The following ACER1 variants were observed in gnomAD, a reference collection of about 807,000 sequenced individuals.
The protein encoded by ACER1 is alkaline ceramidase 1, also known as CTB-180A7.3.
ACER1 carries 28 observed loss-of-function variants against 24.9 expected under a neutral mutation model. That is an observed-to-expected ratio of 1.13 (90% confidence interval 0.83 to 1.54). ACER1 has a LOEUF of 1.54. Among genes scored for constraint, ACER1 ranks in the 40% most tolerant of loss-of-function variants. ACER1 has a pLI of 0.00. For missense variants in ACER1, 352 were observed against 349.3 expected (o/e 1.01, Z -0.06); for synonymous variants, 132 against 131.4 (o/e 1.00, Z -0.03).
At chr19:6,333,709 G>A, upstream of ACER1, 2 of 588,240 alleles carry the variant, frequency 3.4e-6, no homozygotes, top group East Asian at 3.0e-5. Flanking sequence ...GTTGCACCAG[G>A]GCAGCCTGGC....
chr19:6,308,165 C>T (rs986014465), intron 4 of ACER1, among the ~76,000 whole-genome samples: 2 of 151,614 alleles, frequency 1.3e-5, no homozygotes, highest in African/African-American at 2.4e-5. Flanking sequence ...CTGGGCGCGG[C>T]GGCTCAAGCC....
intron 1 of ACER1, among the ~76,000 whole-genome samples, chr19:6,331,954 T>C (rs1025634381): frequency 4.7e-5 from 7 of 150,500 alleles, no homozygotes; most frequent in Non-Finnish European, 1.0e-4. Context: ...CCGTGATCAT[T>C]TGTGCATTCC....
At chr19:6,307,418 G>A (rs905285931) in intron 4 of ACER1, 128 bp from the exon 5 acceptor site, 4 of 1,103,982 alleles carry the variant, frequency 3.6e-6, no homozygotes, top group Admixed American at 2.7e-5. Context: ...GGAATTGAGG[G>A]TGCAAGCAGA....
chr19:6,312,335 A>G, intron 2 of ACER1, 45 bp from the exon 3 acceptor site: 1 of 1,613,654 alleles, frequency 6.2e-7, no homozygotes, highest in Non-Finnish European at 8.5e-7. Context: ...GCCACCTCCT[A>G]AACCCCCACT....
the ACER1 span, among the ~76,000 whole-genome samples, chr19:6,349,840 G>A: frequency 6.6e-6 from 1 of 152,014 alleles, no homozygotes; most frequent in Non-Finnish European, 1.5e-5. Flanking sequence ...TCTTAAAAGG[G>A]GATCTGGGGG....
At chr19:6,312,706 T>C (rs965943404) in intron 1 of ACER1, among the ~76,000 whole-genome samples, 48 of 150,380 alleles carry the variant, frequency 3.2e-4, no homozygotes, top group Admixed American at 1.6e-3. Flanking sequence ...CTTGGAGTCT[T>C]GCTCTGTCAC....
At chr19:6,307,964 C>T (rs1296782462) in intron 4 of ACER1, among the ~76,000 whole-genome samples, 1 of 148,654 alleles carries the variant, frequency 6.7e-6, no homozygotes, top group Non-Finnish European at 1.5e-5. Context: ...TGGTGGTGGC[C>T]GCCTGTAATC....
At position 6,321,156 on chromosome 19, in the gene ACER1, G is replaced by A. The variant is rs1445009234; in HGVS notation, c.94-8657C>T. On this transcript the variant is annotated intron_variant, in intron 1 of 5. Transcript: ENST00000301452. ...ATTTTCTTTCTTTTTTTTTTTTTGA[G>A]ACCAAGTCTCACTCTGTCGCCCAGG... is the stretch of plus-strand genomic sequence containing the variant. Among the ~76,000 whole-genome samples the A allele has an allele frequency of 8.1e-5, 12 of 147,936 alleles. No individual in the cohort carries two copies. In the South Asian group the frequency reaches 2.3e-3, roughly 29 times the overall value.
At chr19:6,346,902 G>A in the ACER1 span, among the ~76,000 whole-genome samples, 12 of 151,400 alleles carry the variant, frequency 7.9e-5, no homozygotes, top group Middle Eastern at 6.8e-3. Flanking sequence ...GGCTGAGACC[G>A]AGGAGGGAAA....
intron 4 of ACER1, among the ~76,000 whole-genome samples, chr19:6,308,221 G>A (rs879811172): frequency 2.6e-5 from 4 of 152,098 alleles, no homozygotes; most frequent in Admixed American, 2.6e-4. Flanking sequence ...GATCATCTGA[G>A]GTTAGGAGTT....
intron 1 of ACER1, among the ~76,000 whole-genome samples, chr19:6,329,344 G>C (rs965414476): frequency 3.3e-5 from 3 of 91,068 alleles, no homozygotes; most frequent in African/African-American, 9.9e-5. Flanking sequence ...TGTTTGGAGA[G>C]AGGCTTTTTG....
At chr19:6,324,406 G>A (rs2091648330) in intron 1 of ACER1, among the ~76,000 whole-genome samples, 3 of 151,906 alleles carry the variant, frequency 2.0e-5, no homozygotes, top group Admixed American at 2.0e-4. Flanking sequence ...GTGCAGTGAA[G>A]TGATCATAAC....
In ACER1 at chr19:6,333,435, T is replaced by A. The variant is rs765247601; in HGVS notation, c.93+24A>T. 3 of 1,545,206 alleles carry A rather than the reference T, an allele frequency of 1.9e-6. No homozygotes were observed. In the East Asian group the frequency reaches 7.2e-5, roughly 37 times the overall value. ...GATTCGAACCGGCATCTGGCGAGACTCCTTCACACACCCACGCACTCACCG... is the reference window on the plus strand; with the variant it reads ...GATTCGAACCGGCATCTGGCGAGACACCTTCACACACCCACGCACTCACCG... On this transcript the variant is annotated intron_variant, in intron 1 of 5. Transcript: ENST00000301452.
the ACER1 span, among the ~76,000 whole-genome samples, chr19:6,347,690 G>T: frequency 6.6e-6 from 1 of 151,962 alleles, no homozygotes; most frequent in African/African-American, 2.4e-5. Context: ...ACAAAAATTA[G>T]CCGGGCGTGG....
the ACER1 span, among the ~76,000 whole-genome samples, chr19:6,349,516 G>A: frequency 6.8e-6 from 1 of 147,924 alleles, no homozygotes; most frequent in Non-Finnish European, 1.5e-5. Flanking sequence ...AAAGAAGGAA[G>A]GAAGGAAAGG....
chr19:6,318,383 C>T (rs972262956), intron 1 of ACER1, among the ~76,000 whole-genome samples: 2 of 151,746 alleles, frequency 1.3e-5, no homozygotes, highest in Non-Finnish European at 1.5e-5. Context: ...GTAGGAGAAT[C>T]GCTTGAACCT....
the ACER1 span, among the ~76,000 whole-genome samples, chr19:6,356,942 C>T: frequency 6.6e-6 from 1 of 150,950 alleles, no homozygotes; most frequent in African/African-American, 2.5e-5. Flanking sequence ...GAAAGTCACA[C>T]CAAGATGAAA....
chr19:6,317,033 G>A (rs1857311591), intron 1 of ACER1, among the ~76,000 whole-genome samples: 1 of 141,840 alleles, frequency 7.1e-6, no homozygotes, highest in African/African-American at 2.6e-5. Context: ...GAGTGCAGTG[G>A]TGCAATCTCG....
At chr19:6,326,368 C>T (rs1008494237) in intron 1 of ACER1, among the ~76,000 whole-genome samples, 4 of 151,958 alleles carry the variant, frequency 2.6e-5, no homozygotes, top group Non-Finnish European at 4.4e-5. Context: ...CCTTGTGATC[C>T]GCCGGCCTCG....
Sources: allele counts gnomAD v4.1 joint callset (sites outside exome capture counted in the v4.1 genomes callset), GRCh38; gene constraint gnomAD v4.1.1; transcripts MANE v1.5; gene names NCBI Gene and HGNC (gene_info 2026-07-23, HGNC 2026-07-21).